Variants in METTL24 observed in about 807,000 individuals in gnomAD.
METTL24 encodes methyltransferase like 24.
METTL24 carries 29 observed loss-of-function variants against 32.7 expected under a neutral mutation model. The observed-to-expected ratio is 0.89, with a 90% confidence interval of 0.66 to 1.21. The LOEUF is 1.21. Ranked by LOEUF, METTL24 falls within the 50% of genes most tolerant of loss-of-function variation. The pLI is 0.00. For missense variants in METTL24, 439 were observed against 468.1 expected, an observed-to-expected ratio of 0.94 and a Z score of 0.57; for synonymous variants, 163 against 179.5, an observed-to-expected ratio of 0.91 and a Z score of 0.73.
intron 4 of METTL24, among the ~76,000 whole-genome samples, chr6:110,269,778 G>T (rs1263403404): frequency 1.3e-5 from 2 of 152,170 alleles, no homozygotes; most frequent in African/African-American, 4.8e-5. Flanking sequence ...CTGGAGGAAT[G>T]AGTAATCTAA....
chr6:110,327,884 C>T (rs909280457), intron 1 of METTL24, among the ~76,000 whole-genome samples: 5 of 152,198 alleles, frequency 3.3e-5, no homozygotes, highest in Non-Finnish European at 7.3e-5. Context: ...CTATCATCCA[C>T]GTGTTTCAAA....
chr6:110,316,908 G>GA (rs1554215461), intron 2 of METTL24, among the ~76,000 whole-genome samples: 19 of 151,858 alleles, frequency 1.3e-4, no homozygotes. Context: ...ATAAAAGAAA[G>GA]AAAGAAAAGA....
At chr6:110,262,433 TG>T (rs1340701232) in intron 4 of METTL24, among the ~76,000 whole-genome samples, 1 of 152,118 alleles carries the variant, frequency 6.6e-6, no homozygotes, top group Non-Finnish European at 1.5e-5. Flanking sequence ...ATTGAATCAC[TG>T]AATAGACCAA....
intron 1 of METTL24, among the ~76,000 whole-genome samples, chr6:110,354,545 A>T (rs1486467938): frequency 2.6e-5 from 4 of 152,240 alleles, no homozygotes; most frequent in Non-Finnish European, 4.4e-5. Context: ...TTCTCAACAA[A>T]CAAAATCTAA....
chr6:110,260,786 G>A (rs1212339977), intron 4 of METTL24, among the ~76,000 whole-genome samples: 2 of 152,206 alleles, frequency 1.3e-5, no homozygotes, highest in Non-Finnish European at 2.9e-5. Context: ...AACTCTACAA[G>A]CCAGAAAAGA....
chr6:110,302,061 G>A (rs372705547), intron 3 of METTL24, among the ~76,000 whole-genome samples: 1 of 152,078 alleles, frequency 6.6e-6, no homozygotes, highest in Non-Finnish European at 1.5e-5. Flanking sequence ...AGATCACGAG[G>A]TCAGGAGATC....
chr6:110,256,369 T>G (rs1778384745), intron 4 of METTL24, among the ~76,000 whole-genome samples: 1 of 152,342 alleles, frequency 6.6e-6, no homozygotes, highest in African/African-American at 2.4e-5. Context: ...GCACGACTCA[T>G]GCTAGACCTG....
chr6:110,347,556 G>C (rs894775436), intron 1 of METTL24, among the ~76,000 whole-genome samples: 2 of 152,182 alleles, frequency 1.3e-5, no homozygotes, highest in African/African-American at 4.8e-5. Context: ...TGGAAGACAA[G>C]ACTGGAAAAA....
At chr6:110,318,553 C>T (rs1771869716) in intron 2 of METTL24, among the ~76,000 whole-genome samples, 2 of 150,462 alleles carry the variant, frequency 1.3e-5, no homozygotes, top group South Asian at 4.2e-4. Context: ...ACTAGGGAGG[C>T]TGAGGCAGAA....
intron 4 of METTL24, among the ~76,000 whole-genome samples, chr6:110,287,232 A>T (rs867383130): frequency 9.9e-5 from 15 of 152,200 alleles, no homozygotes; most frequent in African/African-American, 3.6e-4. Flanking sequence ...AAAAACAAAA[A>T]CAACAAACAT....
chr6:110,278,945 C>T (rs898290981), intron 4 of METTL24, among the ~76,000 whole-genome samples: 2 of 152,114 alleles, frequency 1.3e-5, no homozygotes, highest in African/African-American at 4.8e-5. Flanking sequence ...TCGCTTCAGC[C>T]CAGGAGGTGA....
intron 4 of METTL24, among the ~76,000 whole-genome samples, chr6:110,257,019 T>C (rs1222696324): frequency 6.6e-6 from 1 of 152,204 alleles, no homozygotes; most frequent in Admixed American, 6.5e-5. Context: ...TCAAGAAATT[T>C]GCATTGTTGG....
intron 3 of METTL24, among the ~76,000 whole-genome samples, chr6:110,314,539 T>C (rs1276211319): frequency 2.6e-5 from 4 of 152,212 alleles, no homozygotes; most frequent in Admixed American, 1.3e-4. Context: ...AATGACATAG[T>C]TTTTTATGAG....
intron 4 of METTL24, among the ~76,000 whole-genome samples, chr6:110,289,352 A>G (rs1482666765): frequency 3.9e-5 from 6 of 152,220 alleles, no homozygotes; most frequent in African/African-American, 1.4e-4. Flanking sequence ...AGCTCAATCA[A>G]GAAGAATATC....
chr6:110,322,601 A>G (rs1771947280), intron 2 of METTL24, 173 bp downstream of exon 2: 1 of 484,624 alleles, frequency 2.1e-6, no homozygotes, highest in Non-Finnish European at 3.7e-6. Context: ...AATGGAAGGT[A>G]TCTTATCTGC....
At chr6:110,330,792 G>A (rs1772098233) in intron 1 of METTL24, among the ~76,000 whole-genome samples, 1 of 152,170 alleles carries the variant, frequency 6.6e-6, no homozygotes, top group Non-Finnish European at 1.5e-5. Context: ...ATAACTGCCT[G>A]TTAAAACAAA....
At chr6:110,343,756 T>C (rs916800143) in intron 1 of METTL24, among the ~76,000 whole-genome samples, 1 of 152,190 alleles carries the variant, frequency 6.6e-6, no homozygotes, top group African/African-American at 2.4e-5. Flanking sequence ...TAATCAGTTT[T>C]AGTTGATTTC....
intron 1 of METTL24, among the ~76,000 whole-genome samples, chr6:110,348,929 C>T (rs1197495021): frequency 6.6e-6 from 1 of 152,224 alleles, no homozygotes; most frequent in Non-Finnish European, 1.5e-5. Flanking sequence ...GGATGCACCA[C>T]AGCACTGTTT....
chr6:110,321,720 T>C (rs1293990343), intron 2 of METTL24, among the ~76,000 whole-genome samples: 2 of 152,232 alleles, frequency 1.3e-5, no homozygotes, highest in African/African-American at 4.8e-5. Flanking sequence ...TTTACGTCCA[T>C]GTTTGGGTGA....
Sources: allele counts gnomAD v4.1 joint callset (sites outside exome capture counted in the v4.1 genomes callset), GRCh38; gene constraint gnomAD v4.1.1; transcripts MANE v1.5; gene names NCBI Gene and HGNC (gene_info 2026-07-23, HGNC 2026-07-21).